Variants in LPIN1 observed in about 807,000 individuals in gnomAD.
LPIN1 encodes the protein phosphatidate phosphatase LPIN1.
LPIN1 carries 71 observed loss-of-function variants against 107.5 expected under a neutral mutation model. That is an observed-to-expected ratio of 0.66 (90% CI 0.55 to 0.80). The LOEUF is 0.80. LPIN1 is among the 30% of genes least tolerant of loss of function. The pLI is 0.00. For missense variants in LPIN1, 1,043 were observed against 1,160.6 expected (o/e 0.90, Z 1.47); for synonymous variants, 445 against 452.6 (o/e 0.98, Z 0.21).
chr2:11,776,229 A>C, intron 6 of LPIN1, 36 bp downstream of exon 6: 1 of 1,346,840 alleles, frequency 7.4e-7, no homozygotes, highest in Non-Finnish European at 1.0e-6. Flanking sequence ...GATATATTCA[A>C]TAATGAAAAA....
Position 11,804,509 on chromosome 2 carries a change from C to A in LPIN1, c.2100C>A (p.Thr700=). The A allele has an allele frequency of 6.2e-7, 1 of 1,614,164 alleles. No homozygotes were observed. Among genetic ancestry groups the A allele is most frequent in the East Asian group, 2.2e-5 (1 of 44,886 alleles). Residue 700 remains threonine (T), a synonymous_variant, in exon 16 of 21, where the codon ACC becomes ACA. Transcript: ENST00000674199. The part of the protein sequence containing the change: ...QYQGTCRCEG[T]IYLWNWDDKV... ...AAGGCACGTGCCGCTGTGAGGGCAC[C>A]ATCTATCTGTGGAACTGGGATGATA...
chr2:11,696,915 C>T (rs576356127), intron 1 of LPIN1, among the ~76,000 whole-genome samples: 2 of 152,212 alleles, frequency 1.3e-5, no homozygotes, highest in African/African-American at 4.8e-5. Flanking sequence ...CTCCCCTGGC[C>T]GCACCTCCTC....
At chr2:11,788,889 C>T (rs1675145142) in intron 12 of LPIN1, among the ~76,000 whole-genome samples, 1 of 152,158 alleles carries the variant, frequency 6.6e-6, no homozygotes, top group African/African-American at 2.4e-5. Context: ...GGAAGCCAGC[C>T]CCATGCCTGA....
intron 1 of LPIN1, among the ~76,000 whole-genome samples, chr2:11,684,639 G>A (rs1407540764): frequency 6.6e-6 from 1 of 152,200 alleles, no homozygotes; most frequent in Non-Finnish European, 1.5e-5. Context: ...AATTCCCTGG[G>A]AAAGACTATT....
At chr2:11,747,766 G>A (rs985722041) in intron 1 of LPIN1, among the ~76,000 whole-genome samples, 2 of 152,268 alleles carry the variant, frequency 1.3e-5, no homozygotes, top group African/African-American at 2.4e-5. Context: ...TTGTTGAAAG[G>A]TGTAACAGTT....
In LPIN1 at chr2:11,782,408, G is replaced by A. The variant is rs146730746; in HGVS notation, c.1165G>A (p.Ala389Thr). 119 of 1,614,086 alleles carry A rather than the reference G, an allele frequency of 7.4e-5. No homozygotes were observed. Among genetic ancestry groups the A allele is most frequent in the Non-Finnish European group, 9.7e-5 (114 of 1,180,052 alleles). Residue 389 changes from alanine to threonine, a missense_variant, in exon 8 of 21, where the codon GCA (alanine) becomes ACA (threonine). Physicochemically the swap from Ala to Thr is moderately conservative, Grantham distance 58. Transcript: ENST00000674199. ...VNEEDLETLG[A>T]AAPLLPMIEE... ...TGAAGAAGACCTGGAGACCTTAGGA[G>A]CAGCAGCGCCACTCTTGCCCATGAT...
upstream of LPIN1, among the ~76,000 whole-genome samples, chr2:11,741,628 A>G (rs1666371952): frequency 6.6e-6 from 1 of 152,084 alleles, no homozygotes; most frequent in Admixed American, 6.6e-5. Context: ...TGGCTAACAC[A>G]GTGAAACCCT....
rs149979387 is a variant in LPIN1, at chr2:11,749,553, A to G, written c.-10+2882A>G. On this transcript the variant is annotated intron_variant, in intron 1 of 20. Transcript: ENST00000674199. ...TGGGGTGGGGTCTGTGCAGCCAGGGATATGTTGAGTAGTGAGTTTCTGCCT... is the reference window on the plus strand; with the variant it reads ...TGGGGTGGGGTCTGTGCAGCCAGGGGTATGTTGAGTAGTGAGTTTCTGCCT... Among the ~76,000 whole-genome samples the G allele has an allele frequency of 7.4e-4, 113 of 152,170 alleles. 1 individual carries two copies. Among genetic ancestry groups the G allele is most frequent in the Middle Eastern group, 6.8e-3 (2 of 294 alleles).
rs551427885 is a variant in LPIN1 at position 11,734,840 on chromosome 2, G to A, written c.-71-6509G>A. 9.9e-5 allele frequency among the ~76,000 whole-genome samples: 15 copies of A among 152,282 alleles called. No individual in the cohort carries two copies. The South Asian group carries it at 3.1e-3, about 32-fold the overall frequency. ...GTAAATGCTCTTAGAGAAGCGGGGG[G>A]AAGGCAGTCTCTTTCCCTTATTGCA... On this transcript the variant is annotated intron_variant, in intron 1 of 21. Transcript: ENST00000396097.
At chr2:11,794,243 C>T (rs942832321) in intron 13 of LPIN1, among the ~76,000 whole-genome samples, 2 of 152,136 alleles carry the variant, frequency 1.3e-5, no homozygotes, top group Non-Finnish European at 2.9e-5. Flanking sequence ...GCAGAATGTT[C>T]TAGAATTTAA....
At chr2:11,711,172 G>A (rs575731546) in intron 1 of LPIN1, among the ~76,000 whole-genome samples, 11 of 152,298 alleles carry the variant, frequency 7.2e-5, no homozygotes, top group East Asian at 1.9e-4. Context: ...TCTGGTGCCC[G>A]TGTGACTGTG....
At chr2:11,708,991 A>G (rs1663270167) in intron 1 of LPIN1, among the ~76,000 whole-genome samples, 1 of 152,174 alleles carries the variant, frequency 6.6e-6, no homozygotes, top group Admixed American at 6.5e-5. Flanking sequence ...CAGGAATATT[A>G]AATGAATTGC....
chr2:11,790,427 C>T (rs1675517882), intron 12 of LPIN1, among the ~76,000 whole-genome samples: 1 of 152,224 alleles, frequency 6.6e-6, no homozygotes, highest in South Asian at 2.1e-4. Context: ...GGGCAGCTCT[C>T]TCATAGTTCA....
At chr2:11,806,950 T>C (rs1458225832) in intron 17 of LPIN1, among the ~76,000 whole-genome samples, 1 of 152,210 alleles carries the variant, frequency 6.6e-6, no homozygotes, top group Non-Finnish European at 1.5e-5. Context: ...ACCTTACTCT[T>C]TTTGCTACTG....
At chr2:11,815,493 C>A (rs1680418588) in intron 18 of LPIN1, among the ~76,000 whole-genome samples, 1 of 152,158 alleles carries the variant, frequency 6.6e-6, no homozygotes, top group African/African-American at 2.4e-5. Flanking sequence ...CCCTCCTCTC[C>A]AGGCGTGTTT....
chr2:11,727,133 C>T lies in LPIN1; in HGVS notation c.-72+2594C>T, dbSNP rs560455041. On this transcript the variant is annotated intron_variant, in intron 1 of 21. Transcript: ENST00000396097. ...TAATATCCCCTCTTTTCTTTACCTT[C>T]GTCCATTCGCCTTAGCTTCCCTTAG... Among the ~76,000 whole-genome samples, 20 of 152,274 alleles carry T rather than the reference C, an allele frequency of 1.3e-4. 1 individual carries two copies. Among genetic ancestry groups the T allele is most frequent in the East Asian group, 3.9e-4 (2 of 5,190 alleles).
At chr2:11,744,453 C>T (rs976698317), upstream of LPIN1, among the ~76,000 whole-genome samples, 2 of 152,338 alleles carry the variant, frequency 1.3e-5, no homozygotes, top group East Asian at 3.9e-4. Flanking sequence ...CCCCCCAACC[C>T]TTGGCCTTCC....
At chr2:11,759,455 C>G (rs1669276631) in intron 1 of LPIN1, among the ~76,000 whole-genome samples, 1 of 152,070 alleles carries the variant, frequency 6.6e-6, no homozygotes, top group Non-Finnish European at 1.5e-5. Context: ...TCCATTTAAC[C>G]CTGAGTGGAC....
At chr2:11,741,319 C>T in intron 1 of LPIN1, 3 of 1,475,028 alleles carry the variant, frequency 2.0e-6, no homozygotes, top group Non-Finnish European at 2.8e-6. Context: ...AGAAAAAGAA[C>T]ATTTTGTGAA....
Sources: allele counts gnomAD v4.1 joint callset (sites outside exome capture counted in the v4.1 genomes callset), GRCh38; gene constraint gnomAD v4.1.1; transcripts MANE v1.5; gene names NCBI Gene and HGNC (gene_info 2026-07-23, HGNC 2026-07-21).